The following CTIF variants were observed in gnomAD, a reference collection of about 807,000 sequenced individuals.
The protein encoded by CTIF is cap binding complex dependent translation initiation factor.
Under a neutral mutation model 66.0 loss-of-function variants are expected in CTIF, and 21 were observed. That is an observed-to-expected ratio of 0.32 (90% CI 0.23 to 0.46). The LOEUF is 0.46. Ranked by LOEUF, CTIF falls within the 20% of genes least tolerant of loss-of-function variation. The probability of loss-of-function intolerance (pLI) is 1.00; values close to 1 mark genes in which losing one functional copy is unlikely to be tolerated. For synonymous variants in CTIF, 345 were observed against 326.4 expected (o/e 1.06, Z -0.62); for missense variants, 739 against 812.7 (o/e 0.91, Z 1.10).
At chr18:48,676,647 G>A (rs553261118) in intron 6 of CTIF, among the ~76,000 whole-genome samples, 61 of 152,174 alleles carry the variant, frequency 4.0e-4, no homozygotes, top group African/African-American at 1.4e-3. Flanking sequence ...TTAGGGATGT[G>A]CCCAAAGCAT....
chr18:48,634,585 A>G (rs1262903257), intron 2 of CTIF, among the ~76,000 whole-genome samples: 1 of 152,196 alleles, frequency 6.6e-6, no homozygotes, highest in Non-Finnish European at 1.5e-5. Flanking sequence ...TGGAGCCAGG[A>G]AGGAGACCCA....
chr18:48,687,305 GACACACACACACACACACACACAC>G (rs3082465), intron 6 of CTIF, among the ~76,000 whole-genome samples: 3 of 128,558 alleles, frequency 2.3e-5, no homozygotes, highest in Non-Finnish European at 4.8e-5. Flanking sequence ...TCTAGGAGGG[GACACACACACACACACACACACAC>G]ACACACACAC....
chr18:48,650,612 A>G (rs543573375), intron 3 of CTIF, among the ~76,000 whole-genome samples: 5 of 152,214 alleles, frequency 3.3e-5, no homozygotes, highest in Non-Finnish European at 7.3e-5. Context: ...CAAATTCAGG[A>G]AATACAGAGA....
chr18:48,697,646 G>A lies in CTIF; in HGVS notation c.508-13973G>A, dbSNP rs373722971. 5.3e-5 allele frequency among the ~76,000 whole-genome samples: 8 copies of A among 152,258 alleles called. No homozygotes were observed. The South Asian group carries it at 1.5e-3, about 28-fold the overall frequency. ...ACTCCAAATGCCAGGGCAGGAACCC[G>A]GGTATCCTGGCCCCCAGCCCAGTGC... On this transcript the variant is annotated intron_variant, in intron 6 of 11. Transcript: ENST00000256413.
intron 6 of CTIF, among the ~76,000 whole-genome samples, chr18:48,702,427 G>C (rs2092096451): frequency 6.6e-6 from 1 of 152,190 alleles, no homozygotes; most frequent in African/African-American, 2.4e-5. Context: ...ACCTGTCCGG[G>C]GTTCCTGAGT....
At position 48,654,508 on chromosome 18, in the gene CTIF, A is replaced by C. The variant is rs8095069; in HGVS notation, c.253-9244A>C. ...GGAGAGGATGTGGAGAAATAGGAAC[A>C]CTTTTACACTGTTGGTGGGAGCATA... On this transcript the variant is annotated intron_variant, in intron 3 of 11. Coordinates refer to ENST00000256413, the MANE Select transcript of CTIF (RefSeq NM_014772.3). 3.3e-5 allele frequency among the ~76,000 whole-genome samples: 5 copies of C among 152,126 alleles called. No individual in the cohort carries two copies. The East Asian group carries it at 7.7e-4, about 24-fold the overall frequency.
intron 3 of CTIF, among the ~76,000 whole-genome samples, chr18:48,640,765 C>T (rs1301409379): frequency 6.6e-6 from 1 of 152,256 alleles, no homozygotes; most frequent in Non-Finnish European, 1.5e-5. Context: ...GCCCCATTTG[C>T]AGATTAGTCA....
intron 10 of CTIF, among the ~76,000 whole-genome samples, chr18:48,834,024 C>T (rs188303449): frequency 4.8e-4 from 73 of 150,958 alleles, no homozygotes; most frequent in African/African-American, 1.7e-3. Flanking sequence ...CTCTCCCCTT[C>T]CCCCTCCTTT....
chr18:48,736,875 G>C (rs2092508284), intron 7 of CTIF, among the ~76,000 whole-genome samples: 1 of 152,116 alleles, frequency 6.6e-6, no homozygotes, highest in South Asian at 2.1e-4. Flanking sequence ...TCACCCCTCT[G>C]TCACCTGACC....
intron 10 of CTIF, among the ~76,000 whole-genome samples, chr18:48,832,836 A>C (rs928221814): frequency 7.2e-5 from 11 of 152,248 alleles, no homozygotes; most frequent in African/African-American, 1.9e-4. Flanking sequence ...ATTAAGGCCA[A>C]AACCCTGCTG....
chr18:48,823,114 G>A (rs771444697), intron 10 of CTIF, among the ~76,000 whole-genome samples: 1 of 151,836 alleles, frequency 6.6e-6, no homozygotes, highest in Non-Finnish European at 1.5e-5. Flanking sequence ...TCCATACTTT[G>A]TCTTTCTCTC....
At chr18:48,741,721 G>A (rs1168059396) in intron 7 of CTIF, among the ~76,000 whole-genome samples, 3 of 152,034 alleles carry the variant, frequency 2.0e-5, no homozygotes, top group Admixed American at 1.3e-4. Context: ...CACCATGCCC[G>A]GCCGACCAAG....
intron 2 of CTIF, among the ~76,000 whole-genome samples, chr18:48,633,004 A>T (rs1424085949): frequency 3.1e-5 from 1 of 32,048 alleles, no homozygotes; most frequent in Non-Finnish European, 1.4e-4. Context: ...GATGTGCACG[A>T]AGCCTCAGGG....
chr18:48,712,379 A>G (rs1190445402), intron 7 of CTIF, among the ~76,000 whole-genome samples: 2 of 152,214 alleles, frequency 1.3e-5, no homozygotes, highest in African/African-American at 4.8e-5. Flanking sequence ...TTTATTTTCA[A>G]AAAGGCTTTC....
At chr18:48,837,042 T>C (rs1322079249) in intron 10 of CTIF, among the ~76,000 whole-genome samples, 1 of 152,232 alleles carries the variant, frequency 6.6e-6, no homozygotes, top group Non-Finnish European at 1.5e-5. Flanking sequence ...AAGCCTGCAC[T>C]GCCTGGCCTG....
Position 48,859,912 on chromosome 18 carries a change from A to T in CTIF, c.*353A>T, listed in dbSNP as rs1215669887. On this transcript the variant is annotated 3_prime_UTR_variant, in exon 12 of 12. Coordinates refer to ENST00000256413, the MANE Select transcript of CTIF (RefSeq NM_014772.3). ...GGATCTCATCGCTGTGACTCCTCGG[A>T]GACCTTGGCAGCCTCGCACGCCGGG... 9.9e-6 allele frequency: 5 copies of T among 506,516 alleles called. No homozygotes were observed. Among genetic ancestry groups the T allele is most frequent in the Non-Finnish European group, 1.9e-5 (5 of 260,148 alleles). 31.4% of individuals were successfully genotyped at this position (506,516 alleles called of 1,614,324 possible).
intron 9 of CTIF, among the ~76,000 whole-genome samples, chr18:48,776,713 G>A (rs978274126): frequency 2.0e-5 from 3 of 152,386 alleles, no homozygotes; most frequent in South Asian, 2.1e-4. Flanking sequence ...CCTTGAGCCT[G>A]TGAAGGTTGC....
chr18:48,605,880 G>A (rs562399021), intron 1 of CTIF, among the ~76,000 whole-genome samples: 1 of 152,348 alleles, frequency 6.6e-6, no homozygotes, highest in South Asian at 2.1e-4. Flanking sequence ...GCACACTAGA[G>A]TGGGTTCCTG....
At chr18:48,605,400 C>T (rs1193000912) in intron 1 of CTIF, among the ~76,000 whole-genome samples, 2 of 152,224 alleles carry the variant, frequency 1.3e-5, no homozygotes, top group Non-Finnish European at 2.9e-5. Flanking sequence ...ATATCCCCTC[C>T]TTCTCCATGT....
Sources: gnomAD v4.1 joint callset for allele counts (sites outside exome capture counted in the v4.1 genomes callset) on GRCh38, gnomAD v4.1.1 for gene constraint, MANE v1.5 for transcripts, NCBI Gene and HGNC (gene_info 2026-07-23, HGNC 2026-07-21) for gene names.